ZMYM2: variants seen among roughly 807,000 people sequenced by gnomAD.
ZMYM2 encodes zinc finger MYM-type protein 2.
In ZMYM2, 56 loss-of-function variants were observed where a neutral mutation model predicts 162.8. That is an observed-to-expected ratio of 0.34 (90% CI 0.28 to 0.43). The LOEUF (loss-of-function observed/expected upper bound fraction) is 0.43. Ranked by LOEUF, ZMYM2 falls within the 20% of genes least tolerant of loss-of-function variation. The pLI is 1.00. For missense variants in ZMYM2, 1,275 were observed against 1,621.8 expected (o/e 0.79, Z 3.67); for synonymous variants, 510 against 541.6 (o/e 0.94, Z 0.81).
chr13:19,947,193 T>A, the ZMYM2 span, among the ~76,000 whole-genome samples: 23 of 152,076 alleles, frequency 1.5e-4, no homozygotes, highest in Non-Finnish European at 3.1e-4. Context: ...CCTGAGTAGC[T>A]GGGACTAGAG....
At position 20,046,609 on chromosome 13, in the gene ZMYM2, A is replaced by G. The variant is rs61952380; in HGVS notation, c.2293-4824A>G. On this transcript the variant is annotated intron_variant, in intron 12 of 24. Transcript: ENST00000610343. ...TGTGTGTGTGTGTGTGTGTGTGTGT[A>G]TATATATGTGTATATATATGTGTAT... Among the ~76,000 whole-genome samples, 186 of 135,448 alleles carry G rather than the reference A, an allele frequency of 1.4e-3. 2 individuals carry two copies. The Middle Eastern group carries it at 0.019, about 13-fold the overall frequency. 88.9% of individuals were successfully genotyped at this position (135,448 alleles called of 152,430 possible). A position where few individuals can be genotyped will look rare whatever the true frequency, so the allele number is the denominator to read the frequency against.
chr13:19,893,119 C>T, the ZMYM2 span, among the ~76,000 whole-genome samples: 1 of 151,644 alleles, frequency 6.6e-6, no homozygotes, highest in East Asian at 1.9e-4. Flanking sequence ...ATTAATGCCA[C>T]TGAACTGTAC....
At chr13:20,064,924 T>C (rs927115477) in intron 19 of ZMYM2, among the ~76,000 whole-genome samples, 1 of 152,092 alleles carries the variant, frequency 6.6e-6, no homozygotes, top group Non-Finnish European at 1.5e-5. Flanking sequence ...GTTCAATTAT[T>C]TGACAAAAAT....
intron 21 of ZMYM2, among the ~76,000 whole-genome samples, chr13:20,079,400 T>TA (rs1957762695): frequency 6.6e-6 from 1 of 151,170 alleles, no homozygotes; most frequent in Admixed American, 6.6e-5. Flanking sequence ...GATTTTTTTT[T>TA]AAGAAATCTA....
At chr13:19,985,015 A>G (rs1949018797) in intron 2 of ZMYM2, among the ~76,000 whole-genome samples, 2 of 152,228 alleles carry the variant, frequency 1.3e-5, no homozygotes, top group Admixed American at 1.3e-4. Flanking sequence ...ACATTTTATA[A>G]CATCTGTAGA....
At chr13:20,052,762 A>G (rs534962525) in intron 14 of ZMYM2, among the ~76,000 whole-genome samples, 12 of 152,354 alleles carry the variant, frequency 7.9e-5, no homozygotes, top group Non-Finnish European at 1.5e-4. Context: ...TAGGAGAATA[A>G]TAAAGTACTA....
the ZMYM2 span, among the ~76,000 whole-genome samples, chr13:19,910,491 T>A: frequency 6.6e-6 from 1 of 151,710 alleles, no homozygotes; most frequent in Non-Finnish European, 1.5e-5. Context: ...TACTCATCCA[T>A]CCTGGGAGGG....
Position 20,003,194 on chromosome 13 carries a change from A to G in ZMYM2, c.1133+59A>G, listed in dbSNP as rs185992670. 1.1e-4 allele frequency: 169 copies of G among 1,519,252 alleles called. 1 individual carries two copies. The highest frequency in any genetic ancestry group is 8.8e-4 in the Middle Eastern group (5 of 5,684). The allele number at this position is 1,519,252 out of a possible 1,614,324, so 94.1% of individuals were successfully genotyped here. ...TTGAATTTTGGAGTTGTAAAATTTT[A>G]AGAAAAGTGAAACAGATTTGTAATA... On this transcript the variant is annotated intron_variant, in intron 4 of 24. Coordinates refer to ENST00000610343, the MANE Select transcript of ZMYM2 (RefSeq NM_197968.4).
intron 7 of ZMYM2, among the ~76,000 whole-genome samples, chr13:20,020,520 G>A (rs920331187): frequency 2.6e-5 from 4 of 152,140 alleles, no homozygotes; most frequent in Non-Finnish European, 5.9e-5. Flanking sequence ...CACCGCGCCC[G>A]GCCCATTATT....
At chr13:19,977,953 T>G (rs1031194558) in intron 2 of ZMYM2, among the ~76,000 whole-genome samples, 5 of 150,854 alleles carry the variant, frequency 3.3e-5, no homozygotes, top group Non-Finnish European at 7.4e-5. Flanking sequence ...CTCGGCTCAC[T>G]GCAAGCCCCG....
intron 12 of ZMYM2, among the ~76,000 whole-genome samples, chr13:20,045,545 A>G (rs1954691752): frequency 2.0e-5 from 3 of 152,218 alleles, no homozygotes; most frequent in African/African-American, 7.2e-5. Context: ...ATCACTCAGA[A>G]AATGTTACTT....
chr13:19,941,728 T>TTA, the ZMYM2 span, among the ~76,000 whole-genome samples: 1 of 140,406 alleles, frequency 7.1e-6, no homozygotes, highest in African/African-American at 2.6e-5. Context: ...TGCTTTTTTT[T>TTA]TTTTTTTTTT....
At chr13:20,022,452 G>A (rs949323135) in intron 7 of ZMYM2, among the ~76,000 whole-genome samples, 1 of 152,134 alleles carries the variant, frequency 6.6e-6, no homozygotes, top group African/African-American at 2.4e-5. Flanking sequence ...TTAAGGGGAT[G>A]TCTGTCAGGT....
chr13:19,885,945 GTA>G, the ZMYM2 span, among the ~76,000 whole-genome samples: 448 of 120,748 alleles, frequency 3.7e-3, 160 homozygotes, highest in African/African-American at 8.6e-3. Context: ...ACATATATAT[GTA>G]TATACACATA....
intron 2 of ZMYM2, among the ~76,000 whole-genome samples, chr13:19,982,603 G>A (rs1052976034): frequency 6.6e-6 from 1 of 152,120 alleles, no homozygotes; most frequent in African/African-American, 2.4e-5. Context: ...GCTGCTATTA[G>A]GTTGGTGCAA....
At chr13:20,031,865 G>GTTTTTTTTT (rs10642086) in intron 10 of ZMYM2, among the ~76,000 whole-genome samples, 175 of 130,184 alleles carry the variant, frequency 1.3e-3, no homozygotes, top group East Asian at 2.2e-3. Flanking sequence ...TTCTGTAATT[G>GTTTTTTTTT]TTTTTTTTTT....
the ZMYM2 span, among the ~76,000 whole-genome samples, chr13:19,924,452 C>T: frequency 6.6e-6 from 1 of 152,050 alleles, no homozygotes; most frequent in Non-Finnish European, 1.5e-5. Context: ...CCTGTAGTCT[C>T]AGCTACTTGG....
chr13:20,005,649 T>C (rs1264879078), intron 5 of ZMYM2, among the ~76,000 whole-genome samples: 1 of 152,222 alleles, frequency 6.6e-6, no homozygotes, highest in Admixed American at 6.5e-5. Context: ...CTCACATTAT[T>C]AATATTGTGT....
the ZMYM2 span, among the ~76,000 whole-genome samples, chr13:19,924,878 C>A: frequency 1.5e-5 from 2 of 136,780 alleles, no homozygotes; most frequent in Admixed American, 7.5e-5. Context: ...TTTATTGAAA[C>A]TTTTTTTTTT....
Sources: allele counts gnomAD v4.1 joint callset (sites outside exome capture counted in the v4.1 genomes callset), GRCh38; gene constraint gnomAD v4.1.1; transcripts MANE v1.5; gene names NCBI Gene and HGNC (gene_info 2026-07-23, HGNC 2026-07-21).